ST7: variants seen among roughly 807,000 people sequenced by gnomAD.
ST7 encodes suppression of tumorigenicity 7.
A neutral mutation model predicts 78.7 loss-of-function variants in ST7; 28 were observed. That is an observed-to-expected ratio of 0.36 (90% CI 0.26 to 0.49). ST7 has a LOEUF of 0.49. ST7 is among the 20% of genes least tolerant of loss of function. ST7 has a pLI of 0.99. For missense variants in ST7, 418 were observed against 696.0 expected (o/e 0.60, Z 4.49); for synonymous variants, 247 against 249.6 (o/e 0.99, Z 0.10).
chr7:116,977,116 T>C (rs1192342654), intron 1 of ST7, among the ~76,000 whole-genome samples: 1 of 152,226 alleles, frequency 6.6e-6, no homozygotes, highest in Non-Finnish European at 1.5e-5. Context: ...TTAAGTAATG[T>C]CAGATATTCT....
At chr7:117,097,902 A>ATTT (rs1801212822) in intron 1 of ST7, among the ~76,000 whole-genome samples, 2 of 31,290 alleles carry the variant, frequency 6.4e-5, no homozygotes, top group African/African-American at 2.4e-4. Context: ...ATATATATAT[A>ATTT]TATATATTTT....
intron 1 of ST7, among the ~76,000 whole-genome samples, chr7:117,050,582 A>G (rs1454552429): frequency 6.6e-6 from 1 of 152,212 alleles, no homozygotes; most frequent in East Asian, 1.9e-4. Context: ...TGAATGATAT[A>G]TTTAATAGAC....
At chr7:117,202,300 G>T (rs1810944867) in intron 12 of ST7, among the ~76,000 whole-genome samples, 1 of 152,070 alleles carries the variant, frequency 6.6e-6, no homozygotes, top group African/African-American at 2.4e-5. Context: ...CTCCTACTGC[G>T]CAGCTTCCAT....
At chr7:117,033,883 A>G (rs1477305479) in intron 1 of ST7, among the ~76,000 whole-genome samples, 1 of 152,154 alleles carries the variant, frequency 6.6e-6, no homozygotes, top group African/African-American at 2.4e-5. Flanking sequence ...CTTACCCTGT[A>G]AAGTAGGCTT....
chr7:117,055,574 C>G (rs983648347), intron 1 of ST7, among the ~76,000 whole-genome samples: 3 of 151,858 alleles, frequency 2.0e-5, no homozygotes, highest in Non-Finnish European at 4.4e-5. Flanking sequence ...AGGATTTGCA[C>G]TCAGGTCATT....
rs1809631582 is a variant in ST7, at chr7:117,190,006, A to G, written c.1151+613A>G. On this transcript the variant is annotated intron_variant, in intron 11 of 15. Coordinates refer to ENST00000323984, the MANE Select transcript of ST7 (RefSeq NM_001369598.1). The surrounding 1 kb of genome is among the most constrained non-coding windows in gnomAD (Gnocchi z 5.2). The stretch of plus-strand genomic sequence containing the variant: ...ATAAACTCTTACGCTTCCCCAATAT[A>G]ATCCCTCTGTAGCATCGAAAGCAGA... 1 of 153,944 alleles carries G rather than the reference A, an allele frequency of 6.5e-6. No individual in the cohort carries two copies. Among genetic ancestry groups the G allele is most frequent in the South Asian group, 2.1e-4 (1 of 4,824 alleles). 9.5% of individuals were successfully genotyped at this position (153,944 alleles called of 1,614,324 possible).
intron 1 of ST7, among the ~76,000 whole-genome samples, chr7:116,970,882 ATTTTTT>A (rs1009397400): frequency 2.0e-5 from 3 of 151,300 alleles, no homozygotes; most frequent in African/African-American, 7.3e-5. Context: ...CTCTCCCACT[ATTTTTT>A]TTTATTTTTT....
intron 8 of ST7, among the ~76,000 whole-genome samples, chr7:117,137,571 C>T (rs906078410): frequency 3.3e-5 from 5 of 152,098 alleles, no homozygotes; most frequent in Non-Finnish European, 5.9e-5. Flanking sequence ...TTTGTAGGTA[C>T]TTGGCAGATT....
chr7:117,121,782 A>G (rs17139364), intron 3 of ST7, among the ~76,000 whole-genome samples: 6,987 of 152,186 alleles, frequency 0.046, 247 homozygotes, highest in East Asian at 0.084. Flanking sequence ...TAAAAAAATC[A>G]TATTCTTAAA....
chr7:117,016,297 G>A (rs1038739134), intron 1 of ST7, among the ~76,000 whole-genome samples: 2 of 152,094 alleles, frequency 1.3e-5, no homozygotes, highest in East Asian at 1.9e-4. Flanking sequence ...TAGAAGGTTC[G>A]CTTTATGTGT....
chr7:117,103,515 C>T (rs1397274260), intron 2 of ST7, among the ~76,000 whole-genome samples: 1 of 152,184 alleles, frequency 6.6e-6, no homozygotes. Context: ...ACAGTCTCTT[C>T]AATAAATGTG....
intron 1 of ST7, among the ~76,000 whole-genome samples, chr7:117,025,837 A>G (rs1383305204): frequency 6.6e-6 from 1 of 152,222 alleles, no homozygotes; most frequent in East Asian, 1.9e-4. Flanking sequence ...AATTTTTAGT[A>G]TCAAGATAAT....
intron 1 of ST7, among the ~76,000 whole-genome samples, chr7:117,017,036 A>C (rs374783745): frequency 2.0e-5 from 3 of 152,182 alleles, no homozygotes; most frequent in African/African-American, 4.8e-5. Context: ...AAACACTTCT[A>C]TTAAGGCCTT....
chr7:117,095,363 T>C (rs1800949922), intron 1 of ST7, among the ~76,000 whole-genome samples: 2 of 152,348 alleles, frequency 1.3e-5, no homozygotes, highest in East Asian at 3.9e-4. Flanking sequence ...TTCAACCTGC[T>C]GTATTATCCT....
At chr7:117,078,790 T>C (rs1201556927) in intron 1 of ST7, among the ~76,000 whole-genome samples, 3 of 152,202 alleles carry the variant, frequency 2.0e-5, no homozygotes, top group African/African-American at 4.8e-5. Context: ...TTGGGGTGAA[T>C]TCTCTTTTAG....
intron 9 of ST7, among the ~76,000 whole-genome samples, chr7:117,139,574 T>C (rs1206410083): frequency 6.6e-6 from 1 of 152,068 alleles, no homozygotes; most frequent in Non-Finnish European, 1.5e-5. Flanking sequence ...AGTTACAGCA[T>C]GATGTGAGAA....
intron 3 of ST7, among the ~76,000 whole-genome samples, chr7:117,127,485 G>C (rs769446406): frequency 1.4e-4 from 22 of 151,890 alleles, no homozygotes; most frequent in Admixed American, 4.6e-4. Flanking sequence ...CCTCTAGGTT[G>C]CTTGTTTCTT....
At chr7:117,122,576 A>G (rs1260403597) in intron 3 of ST7, among the ~76,000 whole-genome samples, 1 of 152,220 alleles carries the variant, frequency 6.6e-6, no homozygotes, top group Admixed American at 6.5e-5. Flanking sequence ...TATGCATTCT[A>G]TATTTCCATT....
intron 1 of ST7, among the ~76,000 whole-genome samples, chr7:117,097,906 A>ATTTTTT (rs1353568782): frequency 1.3e-4 from 4 of 30,914 alleles, no homozygotes; most frequent in East Asian, 1.4e-3. Context: ...ATATATATAT[A>ATTTTTT]TATTTTTTTT....
Sources: gnomAD v4.1 joint callset for allele counts (sites outside exome capture counted in the v4.1 genomes callset) on GRCh38, gnomAD v4.1.1 for gene constraint, Gnocchi (gnomAD v3.1) non-coding constraint, MANE v1.5 for transcripts, NCBI Gene and HGNC (gene_info 2026-07-23, HGNC 2026-07-21) for gene names.